Variants in PADI2 observed in about 807,000 individuals in gnomAD.
PADI2 encodes the protein peptidyl arginine deiminase 2.
In PADI2, 70 loss-of-function variants were observed where a neutral mutation model predicts 81.1. That is an observed-to-expected ratio of 0.86 (90% CI 0.71 to 1.05). PADI2 has a LOEUF of 1.05. Ranked by LOEUF, PADI2 falls within the 50% of genes least tolerant of loss-of-function variation. PADI2 has a pLI of 0.00. For missense variants in PADI2, 853 were observed against 889.9 expected (o/e 0.96, Z 0.53); for synonymous variants, 338 against 358.0 (o/e 0.94, Z 0.63).
At chr1:17,079,848 G>A (rs1363130514) in intron 10 of PADI2, among the ~76,000 whole-genome samples, 15 of 150,918 alleles carry the variant, frequency 9.9e-5, no homozygotes, top group Admixed American at 9.9e-4. Flanking sequence ...AGGCTGGAGT[G>A]CGGTGGCATG....
chr1:17,111,461 G>T (rs1931578824), intron 1 of PADI2, among the ~76,000 whole-genome samples: 1 of 152,120 alleles, frequency 6.6e-6, no homozygotes, highest in Non-Finnish European at 1.5e-5. Context: ...GGAGGAGAGG[G>T]TGCCATGAGG....
chr1:17,082,853 G>T, intron 9 of PADI2: 1 of 471,854 alleles, frequency 2.1e-6, no homozygotes, highest in Non-Finnish European at 3.7e-6. Context: ...TCACAGGCAG[G>T]TTTCTTACCG....
At chr1:17,088,906 CAAAAA>C (rs753463253) in intron 6 of PADI2, among the ~76,000 whole-genome samples, 1 of 38,838 alleles carries the variant, frequency 2.6e-5, no homozygotes, top group African/African-American at 9.1e-5. Flanking sequence ...GACTCCATCT[CAAAAA>C]AAAAAAAAAA....
chr1:17,113,861 T>G (rs1283344945), intron 1 of PADI2, among the ~76,000 whole-genome samples: 1 of 152,160 alleles, frequency 6.6e-6, no homozygotes, highest in Non-Finnish European at 1.5e-5. Context: ...TCTGGCCAGC[T>G]AGGGGTGGGC....
intron 6 of PADI2, among the ~76,000 whole-genome samples, chr1:17,090,709 C>A (rs889040108): frequency 6.6e-6 from 1 of 151,834 alleles, no homozygotes; most frequent in Non-Finnish European, 1.5e-5. Context: ...CTGCTCCCCA[C>A]AGGATGGGCA....
chr1:17,119,148 T>C lies in PADI2; in HGVS notation c.92+132A>G. 9.8e-6 allele frequency: 6 copies of C among 610,214 alleles called. No homozygotes were observed. Among genetic ancestry groups the C allele is most frequent in the Non-Finnish European group, 1.7e-5 (6 of 358,106 alleles). The allele number at this position is 610,214 out of a possible 1,614,324, so 37.8% of individuals were successfully genotyped here. ...GGTTTCTGGATGAGATTCTTAGGAT[T>C]TCTGGGCTCGGGGGCTCGGGATGAG... On this transcript the variant is annotated intron_variant, in intron 1 of 15. Coordinates refer to ENST00000375486, the MANE Select transcript of PADI2 (RefSeq NM_007365.3). The surrounding 1 kb of genome is among the most constrained non-coding windows in gnomAD (Gnocchi z 4.8).
At chr1:17,084,529 C>A in intron 8 of PADI2, 70 bp downstream of exon 8, 1 of 897,308 alleles carries the variant, frequency 1.1e-6, no homozygotes, top group Non-Finnish European at 1.8e-6. Context: ...AGGAACTAGA[C>A]TCATGTCCAT....
intron 11 of PADI2, among the ~76,000 whole-genome samples, chr1:17,076,406 G>C (rs1319996514): frequency 6.6e-6 from 1 of 151,952 alleles, no homozygotes; most frequent in Non-Finnish European, 1.5e-5. Context: ...GTAGAGACAG[G>C]GTTTCACCAT....
chr1:17,085,703 CCT>C (rs761737229), intron 7 of PADI2, among the ~76,000 whole-genome samples: 46 of 152,206 alleles, frequency 3.0e-4, no homozygotes, highest in Admixed American at 9.8e-4. Flanking sequence ...AGGAGTTGAA[CCT>C]GGGCAGTCGG....
chr1:17,093,621 T>A lies in PADI2; in HGVS notation c.475A>T (p.Thr159Ser). 6.2e-7 allele frequency: 1 copy of A among 1,614,014 alleles called. No homozygotes were observed. Among genetic ancestry groups the A allele is most frequent in the Non-Finnish European group, 8.5e-7 (1 of 1,179,952 alleles). ...AILLVNCDRE[T>S]PWLPKEDCRD... ...CAGTCCTCCTTGGGCAACCAGGGTG[T>A]CTCTCGGTCACAGTTCACCAGCAGG... Residue 159 changes from threonine (T) to serine (S), a missense_variant, in exon 5 of 16, where the codon ACA becomes TCA. Coordinates refer to ENST00000375486, the MANE Select transcript of PADI2 (RefSeq NM_007365.3).
At chr1:17,083,990 T>A (rs2078366666) in intron 8 of PADI2, among the ~76,000 whole-genome samples, 153 bp from the exon 9 acceptor site, 1 of 152,170 alleles carries the variant, frequency 6.6e-6, no homozygotes, top group Non-Finnish European at 1.5e-5. Flanking sequence ...TAAAGGCCGC[T>A]GGAATCAAAG....
intron 3 of PADI2, among the ~76,000 whole-genome samples, chr1:17,098,029 C>T (rs1005272152): frequency 2.0e-5 from 3 of 152,234 alleles, no homozygotes; most frequent in South Asian, 2.1e-4. Context: ...CCAGGGGAGG[C>T]GTGACCACCC....
At chr1:17,070,381 C>A (rs2076594) in intron 14 of PADI2, among the ~76,000 whole-genome samples, 165 bp from the exon 15 acceptor site, 79,548 of 151,928 alleles carry the variant, frequency 0.52, 21,673 homozygotes, top group Non-Finnish European at 0.61. Context: ...CCCTGTCCAC[C>A]GGGGTTCATG....
chr1:17,091,718 G>A (rs1189347877), intron 6 of PADI2, among the ~76,000 whole-genome samples: 1 of 152,132 alleles, frequency 6.6e-6, no homozygotes, highest in African/African-American at 2.4e-5. Flanking sequence ...ATCTAGTGGT[G>A]CCTCTGCCCT....
At chr1:17,089,733 G>A (rs946304915) in intron 6 of PADI2, among the ~76,000 whole-genome samples, 3 of 152,070 alleles carry the variant, frequency 2.0e-5, no homozygotes, top group African/African-American at 4.8e-5. Flanking sequence ...TCCCTGGCTC[G>A]GTGCAAACCC....
chr1:17,099,125 G>A (rs1931050323), intron 3 of PADI2, among the ~76,000 whole-genome samples: 1 of 152,208 alleles, frequency 6.6e-6, no homozygotes, highest in South Asian at 2.1e-4. Context: ...AGACACTGAA[G>A]CCTCAGCTCT....
At chr1:17,096,249 G>A (rs1293115956) in intron 3 of PADI2, among the ~76,000 whole-genome samples, 1 of 152,244 alleles carries the variant, frequency 6.6e-6, no homozygotes, top group African/African-American at 2.4e-5. Context: ...CTGGCTGGGG[G>A]TTGGGGAATG....
At chr1:17,104,830 C>T (rs1267253734) in intron 2 of PADI2, 48 bp downstream of exon 2, 7 of 1,487,894 alleles carry the variant, frequency 4.7e-6, no homozygotes, top group Non-Finnish European at 6.3e-6. Flanking sequence ...CTGCCTCTAT[C>T]CTGGCATGGT....
chr1:17,069,513 G>C (rs2078249652), intron 15 of PADI2, among the ~76,000 whole-genome samples: 1 of 152,242 alleles, frequency 6.6e-6, no homozygotes. Context: ...GTACATGTAT[G>C]TATATGTGGC....
Sources: gnomAD v4.1 joint callset for allele counts (sites outside exome capture counted in the v4.1 genomes callset) on GRCh38, gnomAD v4.1.1 for gene constraint, Gnocchi (gnomAD v3.1) non-coding constraint, MANE v1.5 for transcripts, NCBI Gene and HGNC (gene_info 2026-07-23, HGNC 2026-07-21) for gene names.